NAALADL2: variants seen among roughly 807,000 people sequenced by gnomAD.
The protein encoded by NAALADL2 is N-acetylated alpha-linked acidic dipeptidase like 2.
A neutral mutation model predicts 87.2 loss-of-function variants in NAALADL2; 76 were observed. That is an observed-to-expected ratio of 0.87 (90% confidence interval 0.72 to 1.05). The LOEUF (loss-of-function observed/expected upper bound fraction) is 1.05, where lower values mean the gene tolerates loss of function less well. NAALADL2 is among the 50% of genes least tolerant of loss of function. The probability of loss-of-function intolerance (pLI) is 0.00; values close to 1 mark genes in which losing one functional copy is unlikely to be tolerated. For synonymous variants in NAALADL2, 354 were observed against 331.0 expected (o/e 1.07, Z -0.75); for missense variants, 1,089 against 945.8 (o/e 1.15, Z -1.99).
intron 2 of NAALADL2, among the ~76,000 whole-genome samples, chr3:174,733,317 G>C (rs992980979): frequency 1.3e-5 from 2 of 152,224 alleles, no homozygotes; most frequent in Non-Finnish European, 2.9e-5. Context: ...TAAGATACTA[G>C]AGTTCATTTC....
Position 174,740,654 on chromosome 3 carries a change from C to T in NAALADL2, c.-9+2908C>T, listed in dbSNP as rs188485188. On this transcript the variant is annotated intron_variant, in intron 3 of 3. Coordinates refer to the NAALADL2 transcript ENST00000434257. ...AATGAGGCAGTAAAGTTGAGATATT[C>T]ACAAAGAAACCAGAATAATAACGGT... 2.0e-3 allele frequency among the ~76,000 whole-genome samples: 301 copies of T among 151,868 alleles called. 1 individual carries two copies. The highest frequency in any genetic ancestry group is 7.0e-3 in the African/African-American group (291 of 41,510).
intron 1 of NAALADL2, among the ~76,000 whole-genome samples, chr3:174,983,102 G>A (rs994510635): frequency 6.6e-6 from 1 of 152,072 alleles, no homozygotes. Context: ...CCAGCCAAAA[G>A]AACTTTTATT....
At chr3:175,118,601 T>C (rs1313204957) in intron 2 of NAALADL2, among the ~76,000 whole-genome samples, 7 of 151,806 alleles carry the variant, frequency 4.6e-5, no homozygotes, top group African/African-American at 1.7e-4. Context: ...CAATAACTTA[T>C]TTGGTTGTCT....
At chr3:175,017,373 G>A (rs1333383588) in intron 1 of NAALADL2, among the ~76,000 whole-genome samples, 1 of 152,090 alleles carries the variant, frequency 6.6e-6, no homozygotes, top group Non-Finnish European at 1.5e-5. Context: ...GGTGGATGGA[G>A]ATAATTTGCT....
intron 1 of NAALADL2, among the ~76,000 whole-genome samples, chr3:175,019,893 G>C (rs1182250558): frequency 6.6e-6 from 1 of 152,054 alleles, no homozygotes; most frequent in Non-Finnish European, 1.5e-5. Context: ...GATATCTGTA[G>C]TTAGAAGCTC....
intron 3 of NAALADL2, among the ~76,000 whole-genome samples, chr3:174,773,960 C>A (rs2109118603): frequency 6.6e-6 from 1 of 152,118 alleles, no homozygotes; most frequent in African/African-American, 2.4e-5. Flanking sequence ...GTTTCTATTT[C>A]CCCTCTATCA....
intron 1 of NAALADL2, among the ~76,000 whole-genome samples, chr3:174,994,607 G>A (rs563725340): frequency 5.5e-4 from 84 of 151,770 alleles, no homozygotes; most frequent in African/African-American, 2.0e-3. Flanking sequence ...TTCTTTTAGC[G>A]GTCAACAAAA....
chr3:175,381,749 T>C (rs1767810077), intron 5 of NAALADL2, among the ~76,000 whole-genome samples: 1 of 152,202 alleles, frequency 6.6e-6, no homozygotes, highest in Non-Finnish European at 1.5e-5. Flanking sequence ...TACAATTTCA[T>C]GTGAGTAAAT....
chr3:175,302,814 A>C (rs965361555), intron 4 of NAALADL2, among the ~76,000 whole-genome samples: 35 of 151,020 alleles, frequency 2.3e-4, no homozygotes, highest in African/African-American at 7.8e-4. Flanking sequence ...GTGTTTATTG[A>C]CCTGTCGAAA....
intron 1 of NAALADL2, among the ~76,000 whole-genome samples, chr3:174,503,420 T>A (rs7618409): frequency 3.9e-5 from 6 of 152,114 alleles, no homozygotes; most frequent in East Asian, 1.9e-4. Flanking sequence ...AAAATTTTTT[T>A]AAAAAAGGAG....
At chr3:175,189,189 C>A (rs773124909) in intron 2 of NAALADL2, among the ~76,000 whole-genome samples, 9 of 152,102 alleles carry the variant, frequency 5.9e-5, no homozygotes, top group Non-Finnish European at 1.3e-4. Context: ...GCAAAGATGA[C>A]CACTCTCACC....
At chr3:175,690,782 G>A (rs994403471) in intron 11 of NAALADL2, among the ~76,000 whole-genome samples, 17 of 123,344 alleles carry the variant, frequency 1.4e-4, no homozygotes, top group African/African-American at 9.5e-4. Context: ...AATTTAAGGT[G>A]TATGAAAGTG....
At chr3:175,774,798 A>T (rs1749993705) in intron 13 of NAALADL2, 1 of 151,958 alleles carries the variant, frequency 6.6e-6, no homozygotes, top group Non-Finnish European at 1.5e-5. Flanking sequence ...AAGTAAAAAT[A>T]AAGTGAAAAT....
At chr3:174,925,334 TC>T (rs995858808) in intron 1 of NAALADL2, among the ~76,000 whole-genome samples, 2 of 152,220 alleles carry the variant, frequency 1.3e-5, no homozygotes, top group South Asian at 4.1e-4. Context: ...GGGAATCCTT[TC>T]CCCATTTCTT....
chr3:174,598,355 C>A (rs1302068122), intron 2 of NAALADL2, among the ~76,000 whole-genome samples: 1 of 152,008 alleles, frequency 6.6e-6, no homozygotes, highest in Non-Finnish European at 1.5e-5. Context: ...TACTTAGAGC[C>A]TTTTATATTC....
chr3:175,343,051 G>T (rs891568764), intron 5 of NAALADL2, among the ~76,000 whole-genome samples: 2 of 151,996 alleles, frequency 1.3e-5, no homozygotes, highest in African/African-American at 4.8e-5. Context: ...TAGTAGAATT[G>T]TGTTAATAAG....
At chr3:175,330,132 G>T (rs772840676) in intron 5 of NAALADL2, among the ~76,000 whole-genome samples, 3 of 152,006 alleles carry the variant, frequency 2.0e-5, no homozygotes, top group African/African-American at 7.2e-5. Context: ...AAAAATCCAT[G>T]ATGAATTCTG....
chr3:175,218,819 T>G (rs1560180859), intron 2 of NAALADL2, among the ~76,000 whole-genome samples: 1 of 152,066 alleles, frequency 6.6e-6, no homozygotes, highest in East Asian at 1.9e-4. Context: ...TTGTTTTGTT[T>G]TTTGAGACGG....
chr3:175,573,865 T>TAGA (rs5854644), intron 9 of NAALADL2, among the ~76,000 whole-genome samples: 2,338 of 152,198 alleles, frequency 0.015, 63 homozygotes, highest in African/African-American at 0.051. Context: ...TGCTACTGAT[T>TAGA]AGACTGTATG....
Sources: allele counts gnomAD v4.1 joint callset (sites outside exome capture counted in the v4.1 genomes callset), GRCh38; gene constraint gnomAD v4.1.1; transcripts MANE v1.5; gene names NCBI Gene and HGNC (gene_info 2026-07-23, HGNC 2026-07-21).